SLC39A5: variants seen among roughly 807,000 people sequenced by gnomAD.
SLC39A5 encodes the protein zinc transporter ZIP5.
A neutral mutation model predicts 46.9 loss-of-function variants in SLC39A5; 42 were observed. The observed-to-expected ratio is 0.90, with a 90% CI of 0.70 to 1.16. The LOEUF (loss-of-function observed/expected upper bound fraction) is 1.16. Among genes scored for constraint, SLC39A5 ranks in the 50% most tolerant of loss-of-function variants. The pLI, the probability that SLC39A5 is intolerant of heterozygous loss-of-function variation, is 0.00. For missense variants in SLC39A5, 677 were observed against 686.8 expected (o/e 0.99, Z 0.16); for synonymous variants, 311 against 323.1 (o/e 0.96, Z 0.40).
intron 4 of SLC39A5, 87 bp from the exon 5 acceptor site, chr12:56,232,602 C>A: frequency 8.1e-7 from 1 of 1,241,474 alleles, no homozygotes; most frequent in South Asian, 1.6e-5. Context: ...GCTAGTCCCC[C>A]CATTCCCCCT....
chr12:56,234,716 C>T (rs1446191547), intron 5 of SLC39A5, 108 bp from the exon 6 acceptor site: 4 of 1,241,288 alleles, frequency 3.2e-6, no homozygotes, highest in African/African-American at 1.5e-5. Flanking sequence ...CCGCCTGGGC[C>T]TCTCAAGGGC....
Position 56,235,622 on chromosome 12 carries a change from G to A in SLC39A5, c.867G>A (p.Leu289=), listed in dbSNP as rs1870669793. The A allele has an allele frequency of 1.9e-6, 3 of 1,614,042 alleles. No individual in the cohort carries two copies. The African/African-American group carries it at 4.0e-5, about 22-fold the overall frequency. Residue 289 remains leucine (L), a synonymous_variant, in exon 8 of 13, where the codon CTG becomes CTA. Coordinates refer to ENST00000454355, the MANE Select transcript of SLC39A5 (RefSeq NM_173596.3). ...CAGAGAAGGACCTGGGCCCGGGGCT[G>A]TCAGTGCTCGGAGGCCTCTTCCTGC... The part of the protein sequence containing the change: ...GLPEKDLGPG[L]SVLGGLFLLF...
rs999734924 is a variant in SLC39A5 at position 56,234,950 on chromosome 12, G to A, written c.598G>A (p.Ala200Thr). 9.3e-6 allele frequency: 15 copies of A among 1,611,620 alleles called. No homozygotes were observed. Among genetic ancestry groups the A allele is most frequent in the Middle Eastern group, 1.6e-4 (1 of 6,074 alleles). ...YQIDSRVCIGAPAPAPPGDLL... is the reference protein window; with the variant it reads ...YQIDSRVCIGTPAPAPPGDLL... The stretch of plus-strand genomic sequence containing the variant: ...GATCGACAGCCGCGTCTGCATCGGC[G>A]CTCCGGCCCCTGCACCCCCAGGGGA... The change falls in exon 6 of 13, where the codon GCT (alanine) becomes ACT (threonine). Residue 200 changes from alanine to threonine, a missense_variant. Ala to Thr is a moderately conservative substitution (Grantham distance 58). Transcript: ENST00000454355.
intron 5 of SLC39A5, 51 bp downstream of exon 5, chr12:56,232,923 GAAATGTTT>G: frequency 1.3e-6 from 2 of 1,520,360 alleles, no homozygotes; most frequent in Non-Finnish European, 1.8e-6. Flanking sequence ...TAGATGGCCT[GAAATGTTT>G]AAATAATCAG....
At chr12:56,235,496 C>A in intron 7 of SLC39A5, 64 bp from the exon 8 acceptor site, 1 of 1,565,354 alleles carries the variant, frequency 6.4e-7, no homozygotes, top group Non-Finnish European at 8.6e-7. Context: ...TGCCACAATC[C>A]ATGCAAGGGG....
In SLC39A5 at chr12:56,235,713, C is replaced by T. The variant is rs372097211; in HGVS notation, c.945+13C>T. 4.3e-6 allele frequency: 7 copies of T among 1,613,648 alleles called. No homozygotes were observed. The highest frequency in any genetic ancestry group is 5.9e-6 in the Non-Finnish European group (7 of 1,179,984). ...AGGGCTCAGGCCAGTGAGTGATACC[C>T]TTTTCTCCTCCTTCTGCTGAGACCA... On this transcript the variant is annotated intron_variant, in intron 8 of 12. Transcript: ENST00000454355.
intron 4 of SLC39A5, among the ~76,000 whole-genome samples, chr12:56,232,259 C>G (rs772258936): frequency 2.0e-5 from 3 of 148,820 alleles, no homozygotes. Context: ...TCTGCCTCCC[C>G]GGTTCAAGCG....
chr12:56,235,675 T>C lies in SLC39A5; in HGVS notation c.920T>C (p.Leu307Pro). 1 of 1,614,050 alleles carries C rather than the reference T, an allele frequency of 6.2e-7. No homozygotes were observed. ...TTTGTGCTGGAGAACATGCTGGGGC[T>C]TTTGCGGCACCGAGGGCTCAGGCCA... Reference protein sequence around the residue: ...LLFVLENMLGLLRHRGLRPRC... With the variant: ...LLFVLENMLGPLRHRGLRPRC... The change falls in exon 8 of 13, where the codon CTT (leucine) becomes CCT (proline). Residue 307 changes from leucine to proline, a missense_variant. Leu to Pro is a moderately conservative substitution (Grantham distance 98). Transcript: ENST00000454355.
Position 56,236,915 on chromosome 12 carries a change from A to T in SLC39A5, c.1208-16A>T. 6.2e-7 allele frequency: 1 copy of T among 1,613,746 alleles called. No homozygotes were observed. Among genetic ancestry groups the T allele is most frequent in the African/African-American group, 1.3e-5 (1 of 74,986 alleles). On this transcript the variant is annotated splice_polypyrimidine_tract_variant and intron_variant, in intron 10 of 12. Coordinates refer to ENST00000454355, the MANE Select transcript of SLC39A5 (RefSeq NM_173596.3). ...TTTTCTTCTGGACTGACAACTTCCGACCCTGCTGGCCCCAGGTGCTGCCTT... is the reference window on the plus strand; with the variant it reads ...TTTTCTTCTGGACTGACAACTTCCGTCCCTGCTGGCCCCAGGTGCTGCCTT...
At position 56,232,278 on chromosome 12, in the gene SLC39A5, G is replaced by C. The variant is rs572522917; in HGVS notation, c.288-411G>C. On this transcript the variant is annotated intron_variant, in intron 4 of 12. Transcript: ENST00000454355. ...CCTCCCCGGTTCAAGCGATTCTCCTGCCTCGGCCTCCTGAGTAGCTGGGAT... is the reference window on the plus strand; with the variant it reads ...CCTCCCCGGTTCAAGCGATTCTCCTCCCTCGGCCTCCTGAGTAGCTGGGAT... 3.5e-5 allele frequency among the ~76,000 whole-genome samples: 5 copies of C among 143,964 alleles called. No homozygotes were observed. The East Asian group carries it at 1.0e-3, about 30-fold the overall frequency. The allele number at this position is 143,964 out of a possible 152,430, so 94.4% of individuals were successfully genotyped here.
At chr12:56,234,583 G>A (rs958100089) in intron 5 of SLC39A5, among the ~76,000 whole-genome samples, 1 of 151,996 alleles carries the variant, frequency 6.6e-6, no homozygotes, top group South Asian at 2.1e-4. Context: ...CCAAAGTGCT[G>A]GGATTACAGG....
In SLC39A5 at chr12:56,236,691, G is replaced by A. The variant is rs147783064; in HGVS notation, c.1152G>A (p.Thr384=). Residue 384 remains threonine (T), a synonymous_variant, in exon 10 of 13, where the codon ACG becomes ACA. Coordinates refer to ENST00000454355, the MANE Select transcript of SLC39A5 (RefSeq NM_173596.3). ...GGCACCAGGGTGGCACTGATATCAC[G>A]TGGATGGTCCTCCTGGGAGATGGTC... The part of the protein sequence containing the change: ...SHGHQGGTDI[T]WMVLLGDGLH... 7.8e-4 allele frequency: 1,265 copies of A among 1,612,938 alleles called. 1 individual carries two copies. The highest frequency in any genetic ancestry group is 1.0e-3 in the Non-Finnish European group (1,180 of 1,179,254).
chr12:56,237,249 G>C lies in SLC39A5; in HGVS notation c.1388G>C (p.Gly463Ala). 6.2e-7 allele frequency: 1 copy of C among 1,613,978 alleles called. No individual in the cohort carries two copies. ...CTGGGATTGGGGGGTGCAGTCCTGG[G>C]GGTGGGGCTCAGCCTGGGCCCTGTC... Reference protein sequence around the residue: ...GALGLGGAVLGVGLSLGPVPL... With the variant: ...GALGLGGAVLAVGLSLGPVPL... The change falls in exon 12 of 13, where the codon GGG (glycine) becomes GCG (alanine). Residue 463 changes from glycine (G) to alanine (A), a missense_variant. Gly to Ala is a moderately conservative substitution (Grantham distance 60). Transcript: ENST00000454355.
intron 4 of SLC39A5, among the ~76,000 whole-genome samples, chr12:56,232,034 C>T (rs985097041): frequency 2.0e-5 from 3 of 151,990 alleles, no homozygotes; most frequent in Non-Finnish European, 2.9e-5. Flanking sequence ...CCTAGCCCTC[C>T]GTTGCCTTCT....
chr12:56,236,859 A>G, intron 10 of SLC39A5, 72 bp from the exon 11 acceptor site: 1 of 1,600,636 alleles, frequency 6.2e-7, no homozygotes, highest in Non-Finnish European at 8.5e-7. Context: ...CGGGAGGACC[A>G]CGGAACACAG....
chr12:56,230,259 A>G lies in SLC39A5; in HGVS notation c.-151A>G, dbSNP rs1429844241. The G allele has an allele frequency of 6.6e-6, 1 of 152,642 alleles. No individual in the cohort carries two copies. Among genetic ancestry groups the G allele is most frequent in the African/African-American group, 2.4e-5 (1 of 41,434 alleles). The allele number at this position is 152,642 out of a possible 1,614,324, so 9.5% of individuals were successfully genotyped here. A position where few individuals can be genotyped will look rare whatever the true frequency, so the allele number is the denominator to read the frequency against. On this transcript the variant is annotated 5_prime_UTR_variant, in exon 2 of 13. Coordinates refer to ENST00000454355, the MANE Select transcript of SLC39A5 (RefSeq NM_173596.3). ...CCGCAGGGCTTCCCCTTTCTTGGTC[A>G]TCGATCCCTAGAGCTCTGGCTCTTT... is the stretch of plus-strand genomic sequence containing the variant.
chr12:56,235,459 T>C (rs1870647819), intron 7 of SLC39A5, 101 bp from the exon 8 acceptor site: 1 of 1,524,288 alleles, frequency 6.6e-7, no homozygotes, highest in African/African-American at 1.4e-5. Flanking sequence ...CACAGCTGCC[T>C]TCTAGTAGAG....
rs1287423353 is a variant in SLC39A5 at position 56,237,158 on chromosome 12, G to A, written c.1297G>A (p.Ala433Thr). The A allele has an allele frequency of 6.2e-7, 1 of 1,613,778 alleles. No individual in the cohort carries two copies. The highest frequency in any genetic ancestry group is 8.5e-7 in the Non-Finnish European group (1 of 1,180,024). The change falls in exon 12 of 13, where the codon GCC becomes ACC. Residue 433 changes from alanine (A) to threonine (T), a missense_variant. Ala to Thr is a moderately conservative substitution (Grantham distance 58). Transcript: ENST00000454355. Reference protein sequence around the residue: ...HELPHELGDFAMLLQSGLSFR... With the variant: ...HELPHELGDFTMLLQSGLSFR... ...TCCTCTGTCTCCAATAGGTGACTTT[G>A]CCATGCTGCTCCAGTCAGGGCTGTC... is the stretch of plus-strand genomic sequence containing the variant.
Position 56,237,354 on chromosome 12 carries a change from G to C in SLC39A5, c.1479+14G>C. The C allele has an allele frequency of 6.4e-7, 1 of 1,571,530 alleles. No homozygotes were observed. The highest frequency in any genetic ancestry group is 8.6e-7 in the Non-Finnish European group (1 of 1,157,486). On this transcript the variant is annotated intron_variant, in intron 12 of 12. Transcript: ENST00000454355. The stretch of plus-strand genomic sequence containing the variant: ...CTTGTGGACATGGTGAGAGATGTCG[G>C]GTAGAGCAGAGAAATCAAGGGCAGT...
Sources: allele counts gnomAD v4.1 joint callset (sites outside exome capture counted in the v4.1 genomes callset), GRCh38; gene constraint gnomAD v4.1.1; transcripts MANE v1.5; gene names NCBI Gene and HGNC (gene_info 2026-07-23, HGNC 2026-07-21).